The following UBR3 variants were observed in gnomAD, a reference collection of about 807,000 sequenced individuals.
UBR3 encodes ubiquitin protein ligase E3 component n-recognin 3, also known as E3 ubiquitin-protein ligase UBR3.
Under a neutral mutation model 243.2 loss-of-function variants are expected in UBR3, and 85 were observed. The observed-to-expected ratio is 0.35, with a 90% CI of 0.29 to 0.42. The LOEUF (loss-of-function observed/expected upper bound fraction) is 0.42, where lower values mean the gene tolerates loss of function less well. Among genes scored for constraint, UBR3 ranks in the 10% least tolerant of loss-of-function variants. The pLI, the probability that UBR3 is intolerant of heterozygous loss-of-function variation, is 1.00. For missense variants in UBR3, 1,686 were observed against 2,300.8 expected (o/e 0.73, Z 5.47); for synonymous variants, 748 against 799.8 (o/e 0.94, Z 1.09).
At chr2:169,924,677 A>G (rs1275809603) in intron 13 of UBR3, among the ~76,000 whole-genome samples, 1 of 152,146 alleles carries the variant, frequency 6.6e-6, no homozygotes, top group Non-Finnish European at 1.5e-5. Flanking sequence ...TTTCCTGGCA[A>G]TTTTAGATTT....
In UBR3 at chr2:170,076,744, A is replaced by G. The variant is rs1281017211; in HGVS notation, c.5200-3070A>G. Among the ~76,000 whole-genome samples, 5 of 152,212 alleles carry G rather than the reference A, an allele frequency of 3.3e-5. No individual in the cohort carries two copies. In the East Asian group the frequency reaches 9.6e-4, roughly 29 times the overall value. On this transcript the variant is annotated intron_variant, in intron 36 of 38. Transcript: ENST00000272793. ...GATGATTGGATTTGTTTGAGCAAGG[A>G]TGTGATACCAAACTTTATTCTGAAA...
At chr2:170,032,179 T>TA (rs1417810509) in intron 31 of UBR3, among the ~76,000 whole-genome samples, 1 of 152,170 alleles carries the variant, frequency 6.6e-6, no homozygotes, top group East Asian at 1.9e-4. Context: ...GTCAAGAAAA[T>TA]ATCTAGGAAC....
intron 24 of UBR3, among the ~76,000 whole-genome samples, chr2:169,963,699 C>T (rs2087682873): frequency 1.3e-5 from 2 of 151,990 alleles, no homozygotes; most frequent in East Asian, 3.8e-4. Context: ...ATTTTTACTA[C>T]CAGATTTCCT....
At chr2:169,976,216 A>G (rs1256569891) in intron 24 of UBR3, among the ~76,000 whole-genome samples, 1 of 149,900 alleles carries the variant, frequency 6.7e-6, no homozygotes, top group Non-Finnish European at 1.5e-5. Flanking sequence ...GTTGTTGTTA[A>G]TTGTTTTCTG....
At chr2:170,025,106 G>A (rs1348159622) in intron 30 of UBR3, among the ~76,000 whole-genome samples, 1 of 152,100 alleles carries the variant, frequency 6.6e-6, no homozygotes, top group African/African-American at 2.4e-5. Context: ...TCATAGAATT[G>A]TAGATATATA....
At chr2:169,889,568 T>C (rs1372870779) in intron 5 of UBR3, among the ~76,000 whole-genome samples, 1 of 152,194 alleles carries the variant, frequency 6.6e-6, no homozygotes, top group Non-Finnish European at 1.5e-5. Flanking sequence ...TATTTCTTTC[T>C]GGTGAATTTC....
In UBR3 at chr2:170,073,440, T is replaced by C; in HGVS notation, c.5032T>C (p.Phe1678Leu). The C allele has an allele frequency of 1.9e-6, 3 of 1,613,404 alleles. No individual in the cohort carries two copies. The highest frequency in any genetic ancestry group is 2.5e-6 in the Non-Finnish European group (3 of 1,179,586). The change falls in exon 36 of 39, where the codon TTT becomes CTT. Residue 1678 changes from phenylalanine (F) to leucine (L), a missense_variant. Phe to Leu is a conservative substitution (Grantham distance 22). Transcript: ENST00000272793. ...DLPSCQEEEEFSVLASCLGLL... is the reference protein window; with the variant it reads ...DLPSCQEEEELSVLASCLGLL... ...TCATGTCTAAAAGGAAGAAGAAGAATTTTCAGTTCTTGCCAGCTGCCTGGG... is the reference window on the plus strand; with the variant it reads ...TCATGTCTAAAAGGAAGAAGAAGAACTTTCAGTTCTTGCCAGCTGCCTGGG...
intron 24 of UBR3, among the ~76,000 whole-genome samples, chr2:169,962,392 G>T (rs767839950): frequency 3.1e-4 from 47 of 152,066 alleles, no homozygotes; most frequent in Non-Finnish European, 5.9e-4. Flanking sequence ...GCCTTTAAAT[G>T]ACTGCAGGTT....
chr2:169,897,501 T>A (rs995722500), intron 8 of UBR3, among the ~76,000 whole-genome samples: 10 of 152,120 alleles, frequency 6.6e-5, no homozygotes, highest in Admixed American at 3.9e-4. Context: ...ATACATAATT[T>A]TTATTATTAT....
Position 170,035,703 on chromosome 2 carries a change from G to A in UBR3, c.4557-5179G>A, listed in dbSNP as rs545816826. Among the ~76,000 whole-genome samples the A allele has an allele frequency of 1.4e-3, 220 of 151,942 alleles. 3 individuals carry two copies. The highest frequency in any genetic ancestry group is 3.5e-3 in the South Asian group (17 of 4,802). Reference sequence around the variant, plus strand: ...TTTGTCAACATCTACAAAATAACTTGCTGGGATTTTGATTGAGATTGCATT... The same window carrying A: ...TTTGTCAACATCTACAAAATAACTTACTGGGATTTTGATTGAGATTGCATT... On this transcript the variant is annotated intron_variant, in intron 31 of 38. Transcript: ENST00000272793.
intron 29 of UBR3, 71 bp from the exon 30 acceptor site, chr2:170,015,210 A>G: frequency 7.6e-7 from 1 of 1,310,858 alleles, no homozygotes; most frequent in Non-Finnish European, 1.1e-6. Context: ...AGGTTGATTC[A>G]GACATGTCAA....
chr2:169,828,711 A>T (rs1358865217), intron 1 of UBR3, among the ~76,000 whole-genome samples: 1 of 152,268 alleles, frequency 6.6e-6, no homozygotes, highest in East Asian at 1.9e-4. Context: ...TGGGCTACTG[A>T]GCAGTCAGTT....
intron 1 of UBR3, among the ~76,000 whole-genome samples, chr2:169,855,917 G>A (rs1205571045): frequency 2.6e-5 from 4 of 151,826 alleles, no homozygotes; most frequent in Non-Finnish European, 2.9e-5. Context: ...CTTCCCAGAC[G>A]GGGCAGCCAG....
At position 169,925,504 on chromosome 2, in the gene UBR3, G is replaced by A. The variant is rs371970756; in HGVS notation, c.2023-115G>A. On this transcript the variant is annotated intron_variant, in intron 13 of 38. Transcript: ENST00000272793. ...AACTGATTATCTTTAACATTGGACA[G>A]AATATCGGGCTTATACTATGATCAC... is the stretch of plus-strand genomic sequence containing the variant. The A allele has an allele frequency of 5.9e-5, 54 of 922,778 alleles. 1 individual carries two copies. The highest frequency in any genetic ancestry group is 4.8e-4 in the East Asian group (16 of 33,306). The allele number at this position is 922,778 out of a possible 1,614,324, so 57.2% of individuals were successfully genotyped here. A position where few individuals can be genotyped will look rare whatever the true frequency, so the allele number is the denominator to read the frequency against.
chr2:170,038,779 T>C (rs1427024500), intron 31 of UBR3, among the ~76,000 whole-genome samples: 1 of 152,120 alleles, frequency 6.6e-6, no homozygotes, highest in East Asian at 1.9e-4. Context: ...ATAAGCCACA[T>C]CAGAACTTAG....
chr2:170,011,132 G>A (rs965748689), intron 29 of UBR3, among the ~76,000 whole-genome samples: 2 of 152,108 alleles, frequency 1.3e-5, no homozygotes, highest in East Asian at 1.9e-4. Flanking sequence ...GTGATTGAGC[G>A]ACTGCACTTC....
At chr2:170,020,484 C>G (rs746468061) in intron 30 of UBR3, among the ~76,000 whole-genome samples, 1 of 152,160 alleles carries the variant, frequency 6.6e-6, no homozygotes, top group Non-Finnish European at 1.5e-5. Flanking sequence ...TTAGGCAAGA[C>G]ATTTTATGTT....
At chr2:169,998,535 A>G (rs1214299464) in intron 26 of UBR3, among the ~76,000 whole-genome samples, 1 of 152,148 alleles carries the variant, frequency 6.6e-6, no homozygotes, top group Non-Finnish European at 1.5e-5. Flanking sequence ...ATGTTGATTC[A>G]GGGGCTAGCA....
At chr2:169,852,654 C>A (rs1481199896) in intron 1 of UBR3, among the ~76,000 whole-genome samples, 4 of 150,546 alleles carry the variant, frequency 2.7e-5, no homozygotes, top group Non-Finnish European at 5.9e-5. Context: ...ACCAGGTTGA[C>A]CAACGGGGTG....
Sources: gnomAD v4.1 joint callset for allele counts (sites outside exome capture counted in the v4.1 genomes callset) on GRCh38, gnomAD v4.1.1 for gene constraint, MANE v1.5 for transcripts, NCBI Gene and HGNC (gene_info 2026-07-23, HGNC 2026-07-21) for gene names.